Variants in GPC6 observed in about 807,000 individuals in gnomAD.
The protein encoded by GPC6 is glypican 6.
Under a neutral mutation model 55.2 loss-of-function variants are expected in GPC6, and 14 were observed. The observed-to-expected ratio is 0.25, with a 90% CI of 0.17 to 0.40. The LOEUF (loss-of-function observed/expected upper bound fraction) is 0.40. Ranked by LOEUF, GPC6 falls within the 10% of genes least tolerant of loss-of-function variation. GPC6 has a pLI of 1.00. For synonymous variants in GPC6, 278 were observed against 259.6 expected, an observed-to-expected ratio of 1.07 and a Z score of -0.68; for missense variants, 641 against 708.5, an observed-to-expected ratio of 0.90 and a Z score of 1.08.
chr13:93,979,800 A>T (rs568233693), intron 3 of GPC6, among the ~76,000 whole-genome samples: 249 of 152,154 alleles, frequency 1.6e-3, no homozygotes, highest in Non-Finnish European at 3.1e-3. Flanking sequence ...AAGTCCATGT[A>T]TAGAGAACTA....
chr13:93,331,074 C>T (rs61965690), intron 1 of GPC6, among the ~76,000 whole-genome samples: 1 of 151,982 alleles, frequency 6.6e-6, no homozygotes, highest in African/African-American at 2.4e-5. Context: ...TTTGGGGGCT[C>T]TATTTGGGGA....
At chr13:93,841,618 T>C (rs1246252019) in intron 3 of GPC6, among the ~76,000 whole-genome samples, 3 of 152,184 alleles carry the variant, frequency 2.0e-5, no homozygotes, top group Admixed American at 6.6e-5. Flanking sequence ...ACGGTGACTC[T>C]AACATTCAGA....
At chr13:94,236,784 A>G (rs1200505889) in intron 4 of GPC6, among the ~76,000 whole-genome samples, 3 of 152,092 alleles carry the variant, frequency 2.0e-5, no homozygotes, top group Admixed American at 2.0e-4. Flanking sequence ...GTGTCGTCTA[A>G]ACTCTGAGGT....
At chr13:94,392,309 A>C (rs1880682234) in intron 7 of GPC6, among the ~76,000 whole-genome samples, 1 of 151,154 alleles carries the variant, frequency 6.6e-6, no homozygotes, top group African/African-American at 2.4e-5. Context: ...ATAATAATAT[A>C]TGTATTATTC....
intron 1 of GPC6, among the ~76,000 whole-genome samples, chr13:93,257,774 C>T (rs1007602834): frequency 6.6e-6 from 1 of 152,160 alleles, no homozygotes; most frequent in African/African-American, 2.4e-5. Context: ...AGCCCACATA[C>T]AAAACTACTA....
intron 1 of GPC6, among the ~76,000 whole-genome samples, chr13:93,427,583 G>T (rs929049961): frequency 8.5e-5 from 13 of 152,194 alleles, no homozygotes; most frequent in Non-Finnish European, 1.8e-4. Context: ...TGTTTTCAAT[G>T]TGATGTTTCA....
chr13:94,078,108 A>T (rs949582590), intron 4 of GPC6, among the ~76,000 whole-genome samples: 1 of 151,912 alleles, frequency 6.6e-6, no homozygotes, highest in Non-Finnish European at 1.5e-5. Flanking sequence ...CAGTGACAGG[A>T]GGCAGATTGG....
At chr13:93,733,247 T>C (rs960970434) in intron 2 of GPC6, among the ~76,000 whole-genome samples, 54 of 152,236 alleles carry the variant, frequency 3.5e-4, no homozygotes, top group African/African-American at 1.3e-3. Context: ...ACATCCTGGT[T>C]TTGTAGAAAA....
intron 1 of GPC6, among the ~76,000 whole-genome samples, chr13:93,295,129 A>AAAT (rs1878441976): frequency 6.7e-6 from 1 of 149,480 alleles, no homozygotes; most frequent in Admixed American, 6.7e-5. Context: ...AAAAAAAAAA[A>AAAT]AAAATACAAA....
intron 1 of GPC6, among the ~76,000 whole-genome samples, chr13:93,402,776 A>G (rs145285495): frequency 1.3e-5 from 2 of 152,124 alleles, no homozygotes; most frequent in South Asian, 2.1e-4. Flanking sequence ...CACATAATAC[A>G]TGCTCTACGA....
At chr13:93,968,699 G>A (rs926790085) in intron 3 of GPC6, among the ~76,000 whole-genome samples, 2 of 152,144 alleles carry the variant, frequency 1.3e-5, no homozygotes, top group Non-Finnish European at 2.9e-5. Flanking sequence ...TAGACTGGCT[G>A]TGGAATACAT....
rs1403924269 is a variant in GPC6, at chr13:93,227,666, C to T, written c.160+50C>T. On this transcript the variant is annotated intron_variant, in intron 1 of 8. Transcript: ENST00000377047. The surrounding 1 kb of genome is among the most constrained non-coding windows in gnomAD (Gnocchi z 4.3). ...CAGGCTGCAGCCCTCGGCTGCCGCA[C>T]GTCCCACTGGCCGCCCGGCGTCCCC... 2.0e-6 allele frequency: 3 copies of T among 1,468,498 alleles called. No homozygotes were observed. Among genetic ancestry groups the T allele is most frequent in the Non-Finnish European group, 2.8e-6 (3 of 1,082,132 alleles). The allele number at this position is 1,468,498 out of a possible 1,614,324, so 91.0% of individuals were successfully genotyped here.
chr13:94,222,585 G>C (rs1428362991), intron 4 of GPC6, among the ~76,000 whole-genome samples: 1 of 151,998 alleles, frequency 6.6e-6, no homozygotes, highest in Non-Finnish European at 1.5e-5. Context: ...GCAGCTCCCT[G>C]GTTAGATTCA....
intron 1 of GPC6, among the ~76,000 whole-genome samples, chr13:93,393,127 T>TATATATATATATATATATATAGAGAG (rs1230857277): frequency 1.1e-5 from 1 of 87,610 alleles, no homozygotes; most frequent in African/African-American, 3.9e-5. Context: ...TATATATATA[T>TATATATATATATATATATATAGAGAG]AGAGAGAGAG....
intron 1 of GPC6, among the ~76,000 whole-genome samples, chr13:93,507,583 A>T: frequency 6.6e-6 from 1 of 152,234 alleles, no homozygotes; most frequent in East Asian, 1.9e-4. Context: ...TATAGCCAGC[A>T]AATATCTAAG....
chr13:93,577,059 C>G (rs1649198118), intron 2 of GPC6, among the ~76,000 whole-genome samples: 1 of 152,132 alleles, frequency 6.6e-6, no homozygotes, highest in South Asian at 2.1e-4. Context: ...GATTTCTAGA[C>G]TAGTACTTTT....
chr13:94,340,778 T>C (rs7986931), intron 6 of GPC6, among the ~76,000 whole-genome samples: 12,972 of 152,282 alleles, frequency 0.085, 614 homozygotes, highest in African/African-American at 0.11. Flanking sequence ...TCTTTTCGTT[T>C]ACAATGAAAA....
At chr13:94,333,608 T>C (rs1451986774) in intron 6 of GPC6, among the ~76,000 whole-genome samples, 1 of 152,246 alleles carries the variant, frequency 6.6e-6, no homozygotes, top group Non-Finnish European at 1.5e-5. Context: ...AGTTTTGCAA[T>C]GCACTTCAAG....
intron 4 of GPC6, among the ~76,000 whole-genome samples, chr13:94,251,616 C>A (rs1346890101): frequency 6.6e-6 from 1 of 151,914 alleles, no homozygotes; most frequent in African/African-American, 2.4e-5. Flanking sequence ...ATTAAGGGTG[C>A]CGTTGTCACG....
Sources: allele counts gnomAD v4.1 joint callset (sites outside exome capture counted in the v4.1 genomes callset), GRCh38; gene constraint gnomAD v4.1.1; non-coding constraint Gnocchi (gnomAD v3.1); transcripts MANE v1.5; gene names NCBI Gene and HGNC (gene_info 2026-07-23, HGNC 2026-07-21).